Variants in RNF216 observed in about 807,000 individuals in gnomAD.
RNF216 encodes the protein ring finger protein 216, also known as E3 ubiquitin-protein ligase RNF216.
A neutral mutation model predicts 110.8 loss-of-function variants in RNF216; 72 were observed. The observed-to-expected ratio is 0.65, with a 90% confidence interval of 0.54 to 0.79. The LOEUF (loss-of-function observed/expected upper bound fraction) is 0.79, where lower values mean the gene tolerates loss of function less well. Ranked by LOEUF, RNF216 falls within the 30% of genes least tolerant of loss-of-function variation. The pLI is 0.00. For synonymous variants in RNF216, 495 were observed against 407.5 expected (o/e 1.21, Z -2.59); for missense variants, 1,342 against 1,141.2 (o/e 1.18, Z -2.54).
intron 15 of RNF216, among the ~76,000 whole-genome samples, chr7:5,631,632 G>A (rs1281338871): frequency 2.0e-5 from 3 of 151,312 alleles, no homozygotes; most frequent in Non-Finnish European, 4.4e-5. Context: ...GCCTCTTCTC[G>A]TCACAAAAAA....
At chr7:5,748,624 ACACAC>A (rs1795168429) in intron 3 of RNF216, among the ~76,000 whole-genome samples, 1 of 125,342 alleles carries the variant, frequency 8.0e-6, no homozygotes, top group East Asian at 2.0e-4. Context: ...ACACACACAC[ACACAC>A]ACACACACAC....
intron 1 of RNF216, among the ~76,000 whole-genome samples, chr7:5,773,654 G>C (rs767100420): frequency 6.6e-6 from 1 of 152,084 alleles, no homozygotes; most frequent in Non-Finnish European, 1.5e-5. Context: ...TGCAACCTCC[G>C]TCTCCCAGGT....
At chr7:5,702,540 G>C (rs968769530) in intron 13 of RNF216, among the ~76,000 whole-genome samples, 1 of 152,124 alleles carries the variant, frequency 6.6e-6, no homozygotes, top group Non-Finnish European at 1.5e-5. Context: ...TGGGAAGGGA[G>C]GCAAGCAACA....
At chr7:5,695,444 C>G (rs1241106483) in intron 13 of RNF216, among the ~76,000 whole-genome samples, 1 of 152,216 alleles carries the variant, frequency 6.6e-6, no homozygotes, top group African/African-American at 2.4e-5. Context: ...ATGGCTGCTG[C>G]TGCCTCGGAG....
chr7:5,739,592 C>T, intron 4 of RNF216: 1 of 587,540 alleles, frequency 1.7e-6, no homozygotes, highest in Middle Eastern at 2.6e-4. Context: ...CAGATCCATT[C>T]TTCATTGCTT....
intron 13 of RNF216, among the ~76,000 whole-genome samples, chr7:5,705,167 G>A (rs112482800): frequency 5.3e-5 from 8 of 152,116 alleles, no homozygotes; most frequent in African/African-American, 1.7e-4. Flanking sequence ...TTACTGACCC[G>A]GATCACTGAT....
At chr7:5,764,307 T>C (rs779566862) in intron 1 of RNF216, among the ~76,000 whole-genome samples, 4 of 147,578 alleles carry the variant, frequency 2.7e-5, no homozygotes, top group Non-Finnish European at 4.5e-5. Context: ...AAACCACACA[T>C]AAAAATGTCA....
In RNF216 at chr7:5,721,174, T is replaced by C; in HGVS notation, c.1505-2A>G. 1 of 1,613,628 alleles carries C rather than the reference T, an allele frequency of 6.2e-7. No homozygotes were observed. The highest frequency in any genetic ancestry group is 1.3e-5 in the African/African-American group (1 of 75,044). On this transcript the variant is annotated splice_acceptor_variant, in intron 8 of 16. Transcript: ENST00000389902. LOFTEE classifies it high-confidence loss of function. ...TCCTCTTTTCTATTTTTATGTCACC[T>C]AGAAGATATACGACAATGCAAAAGC...
At chr7:5,679,789 C>T (rs1039221988) in intron 13 of RNF216, among the ~76,000 whole-genome samples, 1 of 152,160 alleles carries the variant, frequency 6.6e-6, no homozygotes, top group African/African-American at 2.4e-5. Context: ...TAACAACTGG[C>T]CCTGTGGGAA....
At chr7:5,715,736 CTTTTTTTTTT>C (rs58929486) in intron 10 of RNF216, among the ~76,000 whole-genome samples, 8 of 113,824 alleles carry the variant, frequency 7.0e-5, no homozygotes, top group African/African-American at 9.8e-5. Flanking sequence ...CCAACTCATT[CTTTTTTTTTT>C]TTTTTTTTTT....
chr7:5,687,394 C>CAAAAAAA (rs372177142), intron 13 of RNF216, among the ~76,000 whole-genome samples: 13 of 49,696 alleles, frequency 2.6e-4, no homozygotes, highest in South Asian at 7.2e-4. Flanking sequence ...AACTCCACCT[C>CAAAAAAA]AAAAAAAAAA....
intron 7 of RNF216, among the ~76,000 whole-genome samples, chr7:5,727,667 T>C (rs1332055568): frequency 6.6e-6 from 1 of 152,014 alleles, no homozygotes; most frequent in Non-Finnish European, 1.5e-5. Flanking sequence ...AGGTCAAGGT[T>C]GCAATAAGCC....
intron 7 of RNF216, among the ~76,000 whole-genome samples, chr7:5,728,457 C>G (rs1441377380): frequency 2.0e-5 from 3 of 151,870 alleles, no homozygotes; most frequent in African/African-American, 7.3e-5. Flanking sequence ...ACCTACAGTC[C>G]CAGCTACTCA....
intron 13 of RNF216, among the ~76,000 whole-genome samples, chr7:5,689,719 C>T (rs1028645735): frequency 9.2e-5 from 14 of 151,396 alleles, no homozygotes; most frequent in African/African-American, 3.2e-4. Context: ...TTGGGGAGGC[C>T]GAGGCAGGTG....
Position 5,741,114 on chromosome 7 carries a change from G to C in RNF216, c.903C>G (p.Asp301Glu), listed in dbSNP as rs764713115. The C allele has an allele frequency of 6.2e-7, 1 of 1,614,120 alleles. No individual in the cohort carries two copies. Among genetic ancestry groups the C allele is most frequent in the Non-Finnish European group, 8.5e-7 (1 of 1,180,026 alleles). The part of the protein sequence containing the change: ...QPAHPLGEFE[D>E]QQLASDDEEP... ...CTTCATCATCACTTGCTAACTGCTG[G>C]TCTTCAAACTCTCCTAGAGGATGGG... The change falls in exon 4 of 17, where the codon GAC becomes GAG. Residue 301 changes from aspartate (D) to glutamate (E), a missense_variant. Coordinates refer to ENST00000389902, the MANE Select transcript of RNF216 (RefSeq NM_207111.4).
intron 13 of RNF216, among the ~76,000 whole-genome samples, chr7:5,663,748 A>T (rs1789313811): frequency 6.6e-6 from 1 of 150,772 alleles, no homozygotes; most frequent in Non-Finnish European, 1.5e-5. Flanking sequence ...AAATACAAAA[A>T]TTAGCCGGGT....
At chr7:5,691,022 T>C (rs1168659099) in intron 13 of RNF216, among the ~76,000 whole-genome samples, 1 of 152,112 alleles carries the variant, frequency 6.6e-6, no homozygotes, top group Non-Finnish European at 1.5e-5. Flanking sequence ...CTGCAGCACC[T>C]TTTCTGCCTG....
chr7:5,646,298 G>A (rs900991643), intron 14 of RNF216, among the ~76,000 whole-genome samples: 11 of 152,060 alleles, frequency 7.2e-5, no homozygotes, highest in African/African-American at 2.2e-4. Context: ...GGGCCCAGAG[G>A]TGGAGGTTGC....
chr7:5,774,447 T>C (rs1259528250), intron 1 of RNF216, among the ~76,000 whole-genome samples: 2 of 152,122 alleles, frequency 1.3e-5, no homozygotes, highest in African/African-American at 4.8e-5. Flanking sequence ...TCCAAAAAAA[T>C]TCATTAATTT....
Sources: gnomAD v4.1 joint callset for allele counts (sites outside exome capture counted in the v4.1 genomes callset) on GRCh38, gnomAD v4.1.1 for gene constraint, MANE v1.5 for transcripts, NCBI Gene and HGNC (gene_info 2026-07-23, HGNC 2026-07-21) for gene names.